The following GRK7 variants were observed in gnomAD, a reference collection of about 807,000 sequenced individuals.
GRK7 encodes G protein-coupled receptor kinase 7, also known as rhodopsin kinase GRK7.
GRK7 carries 24 observed loss-of-function variants against 34.1 expected under a neutral mutation model. The observed-to-expected ratio is 0.70, with a 90% CI of 0.51 to 0.99. The LOEUF (loss-of-function observed/expected upper bound fraction) is 0.99, where lower values mean the gene tolerates loss of function less well. GRK7 is among the 50% of genes least tolerant of loss of function. The pLI, the probability that GRK7 is intolerant of heterozygous loss-of-function variation, is 0.00. For synonymous variants in GRK7, 256 were observed against 279.4 expected, an observed-to-expected ratio of 0.92 and a Z score of 0.84; for missense variants, 644 against 707.3, an observed-to-expected ratio of 0.91 and a Z score of 1.02.
intron 4 of GRK7, among the ~76,000 whole-genome samples, chr3:141,785,938 CAAA>C (rs11328714): frequency 2.1e-4 from 29 of 135,804 alleles, no homozygotes; most frequent in African/African-American, 2.5e-4. Context: ...TACCCTGTCT[CAAA>C]AAAAAAAAAA....
chr3:141,774,421 C>CAAAAAAGAA (rs1313114103), intron 1 of GRK7, among the ~76,000 whole-genome samples, 159 bp from the exon 2 acceptor site: 1 of 148,060 alleles, frequency 6.8e-6, no homozygotes, highest in South Asian at 2.1e-4. Context: ...GACCCTGTCT[C>CAAAAAAGAA]AAAAAAGAAA....
At chr3:141,760,676 C>G (rs947387239), upstream of GRK7, among the ~76,000 whole-genome samples, 1 of 150,674 alleles carries the variant, frequency 6.6e-6, no homozygotes, top group Non-Finnish European at 1.5e-5. Flanking sequence ...TCCTTGTTGA[C>G]TTTCTGTCTC....
At chr3:141,790,792 G>A (rs2084720628) in intron 4 of GRK7, among the ~76,000 whole-genome samples, 1 of 151,894 alleles carries the variant, frequency 6.6e-6, no homozygotes, top group African/African-American at 2.4e-5. Context: ...TGGAACTCCT[G>A]ACCTCAGGTG....
Position 141,807,756 on chromosome 3 carries a change from C to T in GRK7, c.1162C>T (p.Arg388Ter), listed in dbSNP as rs141035095. The T allele has an allele frequency of 2.2e-5, 36 of 1,614,058 alleles. No homozygotes were observed. The African/African-American group carries it at 3.1e-4, about 14-fold the overall frequency. ...CAGCATTTATGAAATGGTTGCTGGA[C>T]GAACACCATTCAAAGATTACAAGGA... ...GCSIYEMVAG[R>*]TPFKDYKEKV... is the part of the protein sequence containing the mutation. The change falls in exon 5 of 6, where the codon CGA becomes TGA. Residue 388 changes from arginine (R) to a stop codon, truncating the protein, a stop_gained. Coordinates refer to ENST00000682958, the MANE Select transcript of GRK7 (RefSeq NM_139209.3). LOFTEE classifies it high-confidence loss of function.
chr3:141,762,469 C>T (rs141967706), upstream of GRK7, among the ~76,000 whole-genome samples: 60,531 of 146,676 alleles, frequency 0.41, 12,809 homozygotes, highest in Middle Eastern at 0.53. Flanking sequence ...GCAGTCTGCC[C>T]GTTCTCAGAT....
chr3:141,763,778 TC>T lies in GRK7; in HGVS notation c.-2173del, dbSNP rs2084567753. ...AGTAGTTCTTTACATTCCCTTTTAT[TC>T]CTGCAACTCCCACCCCTTCCTGACT... On this transcript the variant is annotated 5_prime_UTR_variant, in exon 1 of 6. Transcript: ENST00000682958. Among the ~76,000 whole-genome samples the T allele has an allele frequency of 6.6e-6, 1 of 152,162 alleles. No individual in the cohort carries two copies. Among genetic ancestry groups the T allele is most frequent in the African/African-American group, 2.4e-5 (1 of 41,432 alleles).
At chr3:141,784,063 A>G (rs577406121) in intron 4 of GRK7, among the ~76,000 whole-genome samples, 5 of 152,232 alleles carry the variant, frequency 3.3e-5, no homozygotes, top group Admixed American at 1.3e-4. Context: ...AATTGTTGCT[A>G]TATCTCGACC....
chr3:141,785,329 A>C (rs1360580423), intron 4 of GRK7, among the ~76,000 whole-genome samples: 1 of 152,228 alleles, frequency 6.6e-6, no homozygotes, highest in African/African-American at 2.4e-5. Context: ...TTGGCTGTTC[A>C]GCAATTTCAC....
rs182668713 is a variant in GRK7, at chr3:141,785,465, T to A, written c.1050+4654T>A. Among the ~76,000 whole-genome samples the A allele has an allele frequency of 5.3e-5, 8 of 152,212 alleles. No homozygotes were observed. The South Asian group carries it at 8.3e-4, about 16-fold the overall frequency. The stretch of plus-strand genomic sequence containing the variant: ...TGCGAACCCCATCTCTTAAAAAAAA[T>A]TTTTTTGTTTTGTTTTAGGCTGGCC... On this transcript the variant is annotated intron_variant, in intron 4 of 5. Coordinates refer to ENST00000682958, the MANE Select transcript of GRK7 (RefSeq NM_139209.3).
Position 141,780,598 on chromosome 3 carries a change from C to G in GRK7, c.837C>G (p.His279Gln), listed in dbSNP as rs751344996. 2 of 1,614,244 alleles carry G rather than the reference C, an allele frequency of 1.2e-6. No individual in the cohort carries two copies. Among genetic ancestry groups the G allele is most frequent in the East Asian group, 4.5e-5 (2 of 44,878 alleles). The change falls in exon 4 of 6, where the codon CAC becomes CAG. Residue 279 changes from histidine to glutamine, a missense_variant. Physicochemically the swap from His to Gln is conservative, Grantham distance 24. Transcript: ENST00000682958. Reference protein sequence around the residue: ...SLMNGGDLKFHIYNVGTRGLD... With the variant: ...SLMNGGDLKFQIYNVGTRGLD... ...TGAATGGGGGAGACCTCAAGTTCCA[C>G]ATCTACAACGTGGGCACGCGTGGCC...
At chr3:141,793,671 A>G (rs11921607) in intron 4 of GRK7, among the ~76,000 whole-genome samples, 49,410 of 152,072 alleles carry the variant, frequency 0.32, 12,101 homozygotes, top group African/African-American at 0.69. Flanking sequence ...AGTAGCTGCC[A>G]GAAGGGGGCG....
chr3:141,768,098 C>T (rs535371756), intron 1 of GRK7, among the ~76,000 whole-genome samples: 4 of 152,206 alleles, frequency 2.6e-5, no homozygotes, highest in African/African-American at 9.6e-5. Context: ...ACCTGTGGAG[C>T]GGCCTCTAAC....
intron 4 of GRK7, among the ~76,000 whole-genome samples, chr3:141,791,942 T>G (rs1276664356): frequency 6.7e-6 from 1 of 148,904 alleles, no homozygotes; most frequent in African/African-American, 2.5e-5. Flanking sequence ...AGGCGGAGGT[T>G]GTAGTGAGCC....
At chr3:141,777,205 G>A (rs945131800) in intron 2 of GRK7, among the ~76,000 whole-genome samples, 4 of 151,940 alleles carry the variant, frequency 2.6e-5, no homozygotes, top group African/African-American at 9.7e-5. Flanking sequence ...TTGGGATCAT[G>A]GAAAATTCTT....
At chr3:141,809,478 G>A (rs1711071541) in intron 5 of GRK7, among the ~76,000 whole-genome samples, 1 of 152,052 alleles carries the variant, frequency 6.6e-6, no homozygotes, top group South Asian at 2.1e-4. Flanking sequence ...TGGGAGGATT[G>A]CTTGAGCCCA....
chr3:141,815,231 T>TTTTTTTTG (rs111739693), intron 5 of GRK7, among the ~76,000 whole-genome samples: 2 of 148,258 alleles, frequency 1.3e-5, no homozygotes, highest in Admixed American at 6.7e-5. Context: ...GGTTGGTTTT[T>TTTTTTTTG]TTTGTTTGTT....
rs1249563327 is a variant in GRK7 at position 141,778,791 on chromosome 3, C to T, written c.507C>T (p.Ser169=). The change falls in exon 3 of 6, where the codon AGC becomes AGT. Residue 169 remains serine (S), a synonymous_variant. Transcript: ENST00000682958. This position sits in a 1 kb window ranked among gnomAD's most constrained non-coding sequence, Gnocchi z 4.1. ...AGCCCTTTAAGGATTTCGTGACCAG[C>T]GCCTTCTACGACAAGTTTCTGCAGT... ...QEQPFKDFVT[S]AFYDKFLQWK... 5.6e-6 allele frequency: 9 copies of T among 1,607,274 alleles called. No homozygotes were observed. The South Asian group carries it at 6.7e-5, about 12-fold the overall frequency.
At position 141,764,015 on chromosome 3, in the gene GRK7, C is replaced by A. The variant is rs569089974; in HGVS notation, c.-1938C>A. Among the ~76,000 whole-genome samples the A allele has an allele frequency of 2.0e-5, 3 of 152,304 alleles. No individual in the cohort carries two copies. Among genetic ancestry groups the A allele is most frequent in the African/African-American group, 7.2e-5 (3 of 41,564 alleles). On this transcript the variant is annotated 5_prime_UTR_variant, in exon 1 of 6. Coordinates refer to ENST00000682958, the MANE Select transcript of GRK7 (RefSeq NM_139209.3). Reference sequence around the variant, plus strand: ...TTCATTTCTCTTCATTGCTGCTCTCCTTCCTTCCCTAAAAACACCCAGCTT... The same window carrying A: ...TTCATTTCTCTTCATTGCTGCTCTCATTCCTTCCCTAAAAACACCCAGCTT...
intron 4 of GRK7, among the ~76,000 whole-genome samples, chr3:141,793,011 G>A (rs2107885505): frequency 6.6e-6 from 1 of 152,336 alleles, no homozygotes; most frequent in Non-Finnish European, 1.5e-5. Flanking sequence ...CCACGTGCTG[G>A]GAGTGTGGCT....
Sources: gnomAD v4.1 joint callset for allele counts (sites outside exome capture counted in the v4.1 genomes callset) on GRCh38, gnomAD v4.1.1 for gene constraint, Gnocchi (gnomAD v3.1) non-coding constraint, MANE v1.5 for transcripts, NCBI Gene and HGNC (gene_info 2026-07-23, HGNC 2026-07-21) for gene names.